NF1: variants seen among roughly 807,000 people sequenced by gnomAD.
NF1 encodes neurofibromin.
A neutral mutation model predicts 325.7 loss-of-function variants in NF1; 122 were observed. The observed-to-expected ratio is 0.37, with a 90% CI of 0.32 to 0.44. NF1 has a LOEUF of 0.44. Among genes scored for constraint, NF1 ranks in the 20% least tolerant of loss-of-function variants. The pLI, the probability that NF1 is intolerant of heterozygous loss-of-function variation, is 1.00. For missense variants in NF1, 2,140 were observed against 3,415.4 expected, an observed-to-expected ratio of 0.63 and a Z score of 9.31; for synonymous variants, 1,091 against 1,186.0, an observed-to-expected ratio of 0.92 and a Z score of 1.65.
At chr17:31,225,971 C>A (rs1291035560) in intron 17 of NF1, among the ~76,000 whole-genome samples, 1 of 152,006 alleles carries the variant, frequency 6.6e-6, no homozygotes, top group Admixed American at 6.6e-5. Context: ...TTGTTTATGC[C>A]CTTGTTTCAA....
intron 36 of NF1, among the ~76,000 whole-genome samples, chr17:31,323,778 A>G (rs2069273883): frequency 6.6e-6 from 1 of 151,964 alleles, no homozygotes; most frequent in African/African-American, 2.4e-5. Flanking sequence ...TCCTTACCTG[A>G]TTCAGCCACT....
chr17:31,331,963 A>G (rs1233768686), intron 39 of NF1: 2 of 148,466 alleles, frequency 1.3e-5, no homozygotes, highest in Non-Finnish European at 3.0e-5. Flanking sequence ...GCTTGGAACC[A>G]TTTTAAAAAG....
In NF1 at chr17:31,325,835, A is replaced by G. The variant is rs150309802; in HGVS notation, c.4851A>G (p.Gln1617=). The change falls in exon 37 of 58, where the codon CAA becomes CAG. Residue 1617 remains glutamine, a synonymous_variant. Coordinates refer to ENST00000358273, the MANE Select transcript of NF1 (RefSeq NM_001042492.3). ...TTTTCCTTAGGTTCAAAACTGGTCA[A>G]ATCAATGGTGATTTGCTGATATACC... ...YYVARRFKTG[Q]INGDLLIYHV... The G allele has an allele frequency of 8.1e-5, 130 of 1,614,154 alleles. No homozygotes were observed. The African/African-American group carries it at 1.1e-3, about 13-fold the overall frequency.
chr17:31,263,513 T>C (rs932106836), intron 35 of NF1, among the ~76,000 whole-genome samples: 2 of 150,614 alleles, frequency 1.3e-5, no homozygotes, highest in African/African-American at 4.8e-5. Context: ...TAAAAATGAA[T>C]GAATCAAAAC....
chr17:31,264,621 G>T (rs1351948208), intron 35 of NF1, among the ~76,000 whole-genome samples: 1 of 152,120 alleles, frequency 6.6e-6, no homozygotes, highest in African/African-American at 2.4e-5. Context: ...AAGGCTAATG[G>T]ATGTATGTTT....
At chr17:31,222,971 C>G (rs1295339819) in intron 15 of NF1, among the ~76,000 whole-genome samples, 1 of 152,132 alleles carries the variant, frequency 6.6e-6, no homozygotes, top group East Asian at 1.9e-4. Context: ...TTCAGTTCTG[C>G]CTTTGGAGCA....
At chr17:31,367,086 C>T in intron 57 of NF1, 2 of 274,306 alleles carry the variant, frequency 7.3e-6, no homozygotes, top group South Asian at 8.7e-5. Flanking sequence ...AATTAATGGT[C>T]AGAATTCAAT....
Position 31,376,604 on chromosome 17 carries a change from T to G in NF1, c.*2449T>G, listed in dbSNP as rs1286428033. The G allele has an allele frequency of 2.6e-5, 6 of 232,960 alleles. No individual in the cohort carries two copies. In the Admixed American group the frequency reaches 3.4e-4, roughly 13 times the overall value. 14.4% of individuals were successfully genotyped at this position (232,960 alleles called of 1,614,324 possible). On this transcript the variant is annotated 3_prime_UTR_variant, in exon 58 of 58. Coordinates refer to ENST00000358273, the MANE Select transcript of NF1 (RefSeq NM_001042492.3). ...TCACCACTATGTGTCCCTTGAGAAA[T>G]GCAACACTTTTTTAGTCTTCATACT... is the stretch of plus-strand genomic sequence containing the variant.
chr17:31,338,788 C>CAATT lies in NF1; in HGVS notation c.6905_6906insATTA (p.Pro2303LeufsTer5). On this transcript the variant is annotated frameshift_variant, in exon 46 of 58. Coordinates refer to ENST00000358273, the MANE Select transcript of NF1 (RefSeq NM_001042492.3). LOFTEE classifies it high-confidence loss of function. The stretch of plus-strand genomic sequence containing the variant: ...TACAGTAATAGCACTAACCAAATTA[C>CAATT]AGCCACTTCTTAATAAGGTAATTAC... 1 of 1,609,570 alleles carries CAATT rather than the reference C, an allele frequency of 6.2e-7. No individual in the cohort carries two copies. Among genetic ancestry groups the CAATT allele is most frequent in the Non-Finnish European group, 8.5e-7 (1 of 1,176,052 alleles).
chr17:31,316,934 C>T (rs1027573612), intron 36 of NF1, among the ~76,000 whole-genome samples: 19 of 152,006 alleles, frequency 1.2e-4, no homozygotes, highest in East Asian at 1.9e-4. Flanking sequence ...TTGAGAGTTA[C>T]GTAAAAATTA....
rs1417039826 is a variant in NF1, at chr17:31,280,208, TA to T, written c.4835+14871del. Among the ~76,000 whole-genome samples, 78 of 151,090 alleles carry T rather than the reference TA, an allele frequency of 5.2e-4. 1 individual carries two copies. The highest frequency in any genetic ancestry group is 1.8e-3 in the African/African-American group (72 of 40,920). On this transcript the variant is annotated intron_variant, in intron 36 of 57. Transcript: ENST00000358273. Reference sequence around the variant, plus strand: ...TTATAGCCCATATAAAGTTTTTTTTTAATTTTTTTTTTTTTTAAAAAAGAAA... The same window carrying T: ...TTATAGCCCATATAAAGTTTTTTTTTATTTTTTTTTTTTTTAAAAAAGAAA...
chr17:31,205,737 T>C (rs1017468644), intron 11 of NF1, among the ~76,000 whole-genome samples: 4 of 152,202 alleles, frequency 2.6e-5, no homozygotes, highest in Non-Finnish European at 5.9e-5. Flanking sequence ...TTTCATGTTG[T>C]AATTATCATT....
At chr17:31,298,406 G>A (rs2068508816) in intron 36 of NF1, among the ~76,000 whole-genome samples, 1 of 152,046 alleles carries the variant, frequency 6.6e-6, no homozygotes, top group South Asian at 2.1e-4. Flanking sequence ...AGCATGTTAT[G>A]TGTAAGGAAA....
chr17:31,201,706 G>T (rs539842955), intron 11 of NF1, among the ~76,000 whole-genome samples: 1 of 152,250 alleles, frequency 6.6e-6, no homozygotes, highest in East Asian at 1.9e-4. Context: ...GGAAGATGGA[G>T]TTAATAAGAT....
At position 31,125,879 on chromosome 17, in the gene NF1, A is replaced by G. The variant is rs188480674; in HGVS notation, c.61-30104A>G. The stretch of plus-strand genomic sequence containing the variant: ...GTGATTGAATCAGTTGACACTCCCA[A>G]CTGCAATATAGAAGTATTCCTATTG... On this transcript the variant is annotated intron_variant, in intron 1 of 57. Coordinates refer to ENST00000358273, the MANE Select transcript of NF1 (RefSeq NM_001042492.3). Among the ~76,000 whole-genome samples the G allele has an allele frequency of 2.6e-3, 398 of 152,292 alleles. 2 individuals are homozygous for G. The highest frequency in any genetic ancestry group is 4.4e-3 in the Admixed American group (67 of 15,298).
chr17:31,350,517 T>C (rs763815000), intron 50 of NF1, among the ~76,000 whole-genome samples, 199 bp downstream of exon 50: 33 of 152,190 alleles, frequency 2.2e-4, no homozygotes, highest in Admixed American at 9.2e-4. Context: ...TCCAGTCTGA[T>C]TGTGCTAATG....
At chr17:31,136,567 C>CT (rs1915799067) in intron 1 of NF1, 1 of 152,080 alleles carries the variant, frequency 6.6e-6, no homozygotes, top group African/African-American at 2.4e-5. Flanking sequence ...GCAAATCATC[C>CT]CTTTGTCCAG....
At chr17:31,096,869 T>A (rs758647138) in intron 1 of NF1, among the ~76,000 whole-genome samples, 5 of 152,316 alleles carry the variant, frequency 3.3e-5, no homozygotes, top group South Asian at 4.1e-4. Context: ...CCATCTGAAG[T>A]ATAATGTTAC....
At chr17:31,227,353 G>T in intron 19 of NF1, 62 bp downstream of exon 19, 1 of 1,545,980 alleles carries the variant, frequency 6.5e-7, no homozygotes, top group Non-Finnish European at 8.9e-7. Context: ...GAAGCCTCTT[G>T]TTACATATGT....
Sources: gnomAD v4.1 joint callset for allele counts (sites outside exome capture counted in the v4.1 genomes callset) on GRCh38, gnomAD v4.1.1 for gene constraint, MANE v1.5 for transcripts, NCBI Gene and HGNC (gene_info 2026-07-23, HGNC 2026-07-21) for gene names.